CAND1: variants seen among roughly 807,000 people sequenced by gnomAD.
The protein encoded by CAND1 is cullin-associated NEDD8-dissociated protein 1.
Under a neutral mutation model 108.5 loss-of-function variants are expected in CAND1, and 7 were observed. The ratio of observed to expected loss-of-function variants is 0.06; its 90% CI spans 0.04 to 0.12. CAND1 has a LOEUF of 0.12. Ranked by LOEUF, CAND1 falls within the 10% of genes least tolerant of loss-of-function variation. CAND1 has a pLI of 1.00. For synonymous variants in CAND1, 534 were observed against 512.0 expected, an observed-to-expected ratio of 1.04 and a Z score of -0.58; for missense variants, 941 against 1,448.7, an observed-to-expected ratio of 0.65 and a Z score of 5.69.
In CAND1 at chr12:67,319,890, C is replaced by A. The variant is rs1464665825; in HGVS notation, c.*7060C>A. 6.6e-6 allele frequency: 1 copy of A among 152,158 alleles called. No homozygotes were observed. The highest frequency in any genetic ancestry group is 1.5e-5 in the Non-Finnish European group (1 of 68,008). 9.4% of individuals were successfully genotyped at this position (152,158 alleles called of 1,614,324 possible). A position where few individuals can be genotyped will look rare whatever the true frequency, so the allele number is the denominator to read the frequency against. On this transcript the variant is annotated 3_prime_UTR_variant, in exon 15 of 15. Transcript: ENST00000545606. ...TCTATATATGGTTTTGGATTCATTCCTTTTAAAAAATATTTACTGTCATTT... is the reference window on the plus strand; with the variant it reads ...TCTATATATGGTTTTGGATTCATTCATTTTAAAAAATATTTACTGTCATTT...
rs2044864222 is a variant in CAND1, at chr12:67,305,005, A to G, written c.1436-99A>G. 2.0e-6 allele frequency: 2 copies of G among 1,009,544 alleles called. No individual in the cohort carries two copies. The highest frequency in any genetic ancestry group is 1.4e-6 in the Non-Finnish European group (1 of 698,902). The allele number at this position is 1,009,544 out of a possible 1,614,324, so 62.5% of individuals were successfully genotyped here. On this transcript the variant is annotated intron_variant, in intron 9 of 14. Coordinates refer to ENST00000545606, the MANE Select transcript of CAND1 (RefSeq NM_018448.5). The surrounding 1 kb of genome is among the most constrained non-coding windows in gnomAD (Gnocchi z 4.4). The stretch of plus-strand genomic sequence containing the variant: ...AATTTCTACTTATAGAAATAATATA[A>G]TGAAGTGGGAACATTAGCAGTACTA...
chr12:67,310,443 T>C (rs2044936923), intron 13 of CAND1, 127 bp downstream of exon 13: 10 of 662,636 alleles, frequency 1.5e-5, no homozygotes, highest in Middle Eastern at 4.3e-4. Flanking sequence ...GATAAGCATA[T>C]TGTAAACTAT....
At chr12:67,291,677 G>T (rs953143915) in intron 2 of CAND1, among the ~76,000 whole-genome samples, 2 of 152,046 alleles carry the variant, frequency 1.3e-5, no homozygotes, top group Non-Finnish European at 2.9e-5. Context: ...AGATAGGAAG[G>T]GAAAAAAATA....
At chr12:67,301,425 A>C (rs2044823678) in intron 7 of CAND1, among the ~76,000 whole-genome samples, 1 of 152,168 alleles carries the variant, frequency 6.6e-6, no homozygotes, top group African/African-American at 2.4e-5. Context: ...AATTATTGTG[A>C]GATAATTTTA....
intron 1 of CAND1, among the ~76,000 whole-genome samples, chr12:67,273,348 A>G (rs2044539469): frequency 6.6e-6 from 1 of 152,164 alleles, no homozygotes; most frequent in African/African-American, 2.4e-5. Flanking sequence ...AGTAAACCTT[A>G]TAATGTAGCC....
Position 67,315,937 on chromosome 12 carries a change from T to C in CAND1, c.*3107T>C, listed in dbSNP as rs1313160810. ...CTCTAGTTAGTCACAAGACAAAGTA[T>C]ATAGTAACACTTTGTAATGAAGTAA... On this transcript the variant is annotated 3_prime_UTR_variant, in exon 15 of 15. Transcript: ENST00000545606. 2 of 152,190 alleles carry C rather than the reference T, an allele frequency of 1.3e-5. No individual in the cohort carries two copies. The highest frequency in any genetic ancestry group is 2.9e-5 in the Non-Finnish European group (2 of 68,004). 9.4% of individuals were successfully genotyped at this position (152,190 alleles called of 1,614,324 possible).
At chr12:67,296,956 C>T (rs1037075044) in intron 4 of CAND1, among the ~76,000 whole-genome samples, 3 of 151,910 alleles carry the variant, frequency 2.0e-5, no homozygotes, top group South Asian at 2.1e-4. Context: ...CACCACCACA[C>T]GCAGCTAATT....
At chr12:67,312,296 T>G (rs994232366) in intron 14 of CAND1, among the ~76,000 whole-genome samples, 1 of 152,056 alleles carries the variant, frequency 6.6e-6, no homozygotes, top group Non-Finnish European at 1.5e-5. Context: ...AGGAGTACTT[T>G]CTTGATGGGG....
Position 67,317,473 on chromosome 12 carries a change from A to ATTTTTTTTTTTTTTTTTTTTTTTTG in CAND1, c.*4666_*4667insTGTTTTTTTTTTTTTTTTTTTTTTT, listed in dbSNP as rs61481589. 1 of 88,218 alleles carries ATTTTTTTTTTTTTTTTTTTTTTTTG rather than the reference A, an allele frequency of 1.1e-5. No homozygotes were observed. Among genetic ancestry groups the ATTTTTTTTTTTTTTTTTTTTTTTTG allele is most frequent in the African/African-American group, 5.4e-5 (1 of 18,420 alleles). 5.5% of individuals were successfully genotyped at this position (88,218 alleles called of 1,614,324 possible). A position where few individuals can be genotyped will look rare whatever the true frequency, so the allele number is the denominator to read the frequency against. ...CTTTTTTCTTTTTTTTTCTTTCTTAATTTTTTTTTTTTTTTTTTTTTTTGA... is the reference window on the plus strand; with the variant it reads ...CTTTTTTCTTTTTTTTTCTTTCTTAATTTTTTTTTTTTTTTTTTTTTTTTGTTTTTTTTTTTTTTTTTTTTTTTGA... On this transcript the variant is annotated 3_prime_UTR_variant, in exon 15 of 15. Transcript: ENST00000545606.
rs971533402 is a variant in CAND1 at position 67,297,397 on chromosome 12, T to G, written c.492-10T>G. The G allele has an allele frequency of 5.6e-6, 9 of 1,601,910 alleles. No individual in the cohort carries two copies. The highest frequency in any genetic ancestry group is 1.7e-4 in the Middle Eastern group (1 of 5,986). On this transcript the variant is annotated splice_polypyrimidine_tract_variant and intron_variant, in intron 4 of 14. Transcript: ENST00000545606. ...TTGTTGTTTTCTTTCTTTTTTTATT[T>G]TATTTTAAGGCAAGGAGGACTTCTT...
At chr12:67,274,820 A>G (rs545019003) in intron 1 of CAND1, among the ~76,000 whole-genome samples, 428 of 152,180 alleles carry the variant, frequency 2.8e-3, no homozygotes, top group Non-Finnish European at 3.7e-3. Flanking sequence ...AAATGCTTGT[A>G]AAAAAAACTC....
At chr12:67,300,324 C>T (rs2044812533) in intron 7 of CAND1, among the ~76,000 whole-genome samples, 1 of 152,094 alleles carries the variant, frequency 6.6e-6, no homozygotes, top group Non-Finnish European at 1.5e-5. Context: ...CATCTAGTCT[C>T]CTGGCTTTAA....
intron 4 of CAND1, among the ~76,000 whole-genome samples, chr12:67,296,710 T>C (rs757503203): frequency 7.3e-5 from 11 of 151,420 alleles, no homozygotes; most frequent in Non-Finnish European, 1.3e-4. Context: ...GCTGGGATTA[T>C]AGGCATGAGC....
chr12:67,291,328 A>G (rs562952669), intron 2 of CAND1, among the ~76,000 whole-genome samples: 1 of 152,342 alleles, frequency 6.6e-6, no homozygotes, highest in African/African-American at 2.4e-5. Context: ...ACATTTAGAC[A>G]AGTATATAAA....
Position 67,306,001 on chromosome 12 carries a change from T to C in CAND1, c.2333T>C (p.Met778Thr). The change falls in exon 10 of 15, where the codon ATG (methionine) becomes ACG (threonine). Residue 778 changes from methionine to threonine, a missense_variant. Physicochemically the swap from Met to Thr is moderately conservative, Grantham distance 81 (BLOSUM62 -1). Transcript: ENST00000545606. ...NNLGYMDLLR[M>T]LTGPVYSQST... ...TTAGGATACATGGATTTGTTGCGCA[T>C]GCTGACTGGTCCAGTTTACTCTCAG... 1 of 1,614,194 alleles carries C rather than the reference T, an allele frequency of 6.2e-7. No homozygotes were observed. Among genetic ancestry groups the C allele is most frequent in the Non-Finnish European group, 8.5e-7 (1 of 1,180,016 alleles).
intron 3 of CAND1, 92 bp downstream of exon 3, chr12:67,292,868 G>A: frequency 8.2e-7 from 1 of 1,216,822 alleles, no homozygotes; most frequent in Non-Finnish European, 1.2e-6. Context: ...GAGGGAGGGA[G>A]GTGGCTGTCC....
chr12:67,288,163 A>G (rs1479014505), intron 2 of CAND1, among the ~76,000 whole-genome samples: 33 of 146,338 alleles, frequency 2.3e-4, no homozygotes, highest in African/African-American at 8.4e-4. Context: ...TTTAGACTCC[A>G]GTCTGTCACC....
chr12:67,302,036 T>C (rs2044829902), intron 7 of CAND1, among the ~76,000 whole-genome samples: 1 of 152,176 alleles, frequency 6.6e-6, no homozygotes, highest in South Asian at 2.1e-4. Flanking sequence ...AATTGATGAT[T>C]TTAAAGGGTT....
intron 2 of CAND1, among the ~76,000 whole-genome samples, chr12:67,286,527 A>C (rs1430790647): frequency 6.7e-6 from 1 of 148,394 alleles, no homozygotes; most frequent in African/African-American, 2.5e-5. Flanking sequence ...CTGATAACTA[A>C]TGATGTCAAG....
Sources: gnomAD v4.1 joint callset for allele counts (sites outside exome capture counted in the v4.1 genomes callset) on GRCh38, gnomAD v4.1.1 for gene constraint, Gnocchi (gnomAD v3.1) non-coding constraint, MANE v1.5 for transcripts, NCBI Gene and HGNC (gene_info 2026-07-23, HGNC 2026-07-21) for gene names.